Variants in METTL15 observed in about 807,000 individuals in gnomAD.
METTL15 encodes the protein 12S rRNA N(4)-cytidine methyltransferase METTL15.
METTL15 carries 34 observed loss-of-function variants against 38.3 expected under a neutral mutation model. The ratio of observed to expected loss-of-function variants is 0.89; its 90% CI spans 0.68 to 1.18. METTL15 has a LOEUF of 1.18. Among genes scored for constraint, METTL15 ranks in the 50% most tolerant of loss-of-function variants. The pLI is 0.00. For synonymous variants in METTL15, 162 were observed against 170.9 expected (o/e 0.95, Z 0.41); for missense variants, 438 against 498.4 (o/e 0.88, Z 1.15).
At chr11:28,518,822 T>C (rs1438408297) in intron 6 of METTL15, among the ~76,000 whole-genome samples, 8 of 152,176 alleles carry the variant, frequency 5.3e-5, no homozygotes, top group Non-Finnish European at 1.0e-4. Flanking sequence ...CCCTGAAATA[T>C]CGCTGTTAAG....
intron 6 of METTL15, among the ~76,000 whole-genome samples, chr11:28,303,153 C>T (rs72878304): frequency 0.011 from 1,636 of 152,184 alleles, 17 homozygotes; most frequent in Non-Finnish European, 0.018. Context: ...TTTCATTCTC[C>T]GGTTACATCA....
chr11:28,414,041 T>C (rs118033146), intron 5 of METTL15, among the ~76,000 whole-genome samples: 2,770 of 152,258 alleles, frequency 0.018, 32 homozygotes, highest in South Asian at 0.033. Context: ...TTTAAGACTT[T>C]TCAACACAGT....
Position 28,333,339 on chromosome 11 carries a change from CT to C in METTL15, c.*2500del, listed in dbSNP as rs1849867212. On this transcript the variant is annotated 3_prime_UTR_variant, in exon 7 of 7. Coordinates refer to ENST00000407364, the MANE Select transcript of METTL15 (RefSeq NM_001113528.2). ...AATTAGATTGTGTTTTATAGTAATT[CT>C]TGCCTGCTTCTTAGTCTTTGTTGTA... 1 of 152,140 alleles carries C rather than the reference CT, an allele frequency of 6.6e-6. No homozygotes were observed. Among genetic ancestry groups the C allele is most frequent in the South Asian group, 2.1e-4 (1 of 4,832 alleles). The allele number at this position is 152,140 out of a possible 1,614,324, so 9.4% of individuals were successfully genotyped here.
intron 4 of METTL15, among the ~76,000 whole-genome samples, chr11:28,288,816 TTAAATAAAA>T (rs1280921759): frequency 6.6e-6 from 1 of 151,980 alleles, no homozygotes; most frequent in Non-Finnish European, 1.5e-5. Flanking sequence ...AACTTAAAAG[TTAAATAAAA>T]TAAATAAAAT....
chr11:28,291,454 TTAAC>T (rs1165031237), intron 5 of METTL15, among the ~76,000 whole-genome samples: 4 of 152,146 alleles, frequency 2.6e-5, no homozygotes, highest in Admixed American at 6.5e-5. Flanking sequence ...CCTGTAAAAC[TTAAC>T]TGTGGTTTTT....
At chr11:28,360,301 C>A (rs1850125917) in intron 4 of METTL15, among the ~76,000 whole-genome samples, 1 of 152,194 alleles carries the variant, frequency 6.6e-6, no homozygotes, top group African/African-American at 2.4e-5. Context: ...CACCTCTCAT[C>A]CCACTCCACT....
At chr11:28,266,012 A>G (rs2133948214) in intron 4 of METTL15, among the ~76,000 whole-genome samples, 1 of 152,270 alleles carries the variant, frequency 6.6e-6, no homozygotes, top group African/African-American at 2.4e-5. Flanking sequence ...TCCTGTGTCC[A>G]TGTGTTCTCA....
At chr11:28,404,844 T>A (rs1288554728) in intron 5 of METTL15, among the ~76,000 whole-genome samples, 1 of 152,102 alleles carries the variant, frequency 6.6e-6, no homozygotes, top group Non-Finnish European at 1.5e-5. Context: ...TTTTGTATTG[T>A]TAATAAGAAG....
intron 6 of METTL15, among the ~76,000 whole-genome samples, chr11:28,515,873 G>A (rs533780346): frequency 3.3e-5 from 5 of 152,294 alleles, no homozygotes; most frequent in African/African-American, 9.6e-5. Context: ...AGAAGTGCTG[G>A]AAAGTCTCTA....
intron 4 of METTL15, among the ~76,000 whole-genome samples, chr11:28,260,679 C>A (rs185906246): frequency 3.3e-5 from 5 of 152,236 alleles, no homozygotes; most frequent in African/African-American, 1.2e-4. Context: ...GTATTATAGA[C>A]ACAGAAAACC....
chr11:28,331,748 A>T lies in METTL15; in HGVS notation c.*907A>T, dbSNP rs1288052241. On this transcript the variant is annotated 3_prime_UTR_variant, in exon 7 of 7. Coordinates refer to ENST00000407364, the MANE Select transcript of METTL15 (RefSeq NM_001113528.2). ...TCAAGAAAAGAGTACTTGGTAGAAG[A>T]TTCTTTAACAAATTGAGGAGATTGA... 6.6e-6 allele frequency: 1 copy of T among 152,250 alleles called. No homozygotes were observed. The highest frequency in any genetic ancestry group is 1.5e-5 in the Non-Finnish European group (1 of 68,024). The allele number at this position is 152,250 out of a possible 1,614,324, so 9.4% of individuals were successfully genotyped here.
At chr11:28,118,938 G>A (rs569883376) in intron 3 of METTL15, among the ~76,000 whole-genome samples, 39 of 152,296 alleles carry the variant, frequency 2.6e-4, no homozygotes, top group Admixed American at 5.9e-4. Context: ...GGAATAGAAA[G>A]AGTCAAAGTT....
intron 5 of METTL15, among the ~76,000 whole-genome samples, chr11:28,396,380 G>A (rs372591305): frequency 7.2e-5 from 11 of 152,140 alleles, no homozygotes; most frequent in South Asian, 2.1e-4. Flanking sequence ...TAAGCTGATA[G>A]GCAACTTCAG....
chr11:28,231,514 T>G (rs932153753), intron 4 of METTL15, among the ~76,000 whole-genome samples: 3 of 151,876 alleles, frequency 2.0e-5, no homozygotes, highest in African/African-American at 7.2e-5. Flanking sequence ...ACACCATTAC[T>G]TTCATAATAA....
At chr11:28,259,871 C>G (rs1292378219) in intron 4 of METTL15, among the ~76,000 whole-genome samples, 2 of 151,984 alleles carry the variant, frequency 1.3e-5, no homozygotes, top group African/African-American at 4.8e-5. Flanking sequence ...GGTGTCCTTG[C>G]AGTAGGGGAA....
At chr11:28,173,054 T>C (rs1850916032) in intron 3 of METTL15, among the ~76,000 whole-genome samples, 1 of 152,194 alleles carries the variant, frequency 6.6e-6, no homozygotes, top group African/African-American at 2.4e-5. Context: ...GAAAAGTCTC[T>C]AGCATATTTT....
chr11:28,505,396 A>G (rs991487625), intron 6 of METTL15, among the ~76,000 whole-genome samples: 4 of 152,208 alleles, frequency 2.6e-5, no homozygotes, highest in Non-Finnish European at 5.9e-5. Flanking sequence ...ATGTGTAAAC[A>G]TGGGTCATAG....
intron 5 of METTL15, among the ~76,000 whole-genome samples, chr11:28,399,242 C>A (rs1234109880): frequency 6.6e-6 from 1 of 151,954 alleles, no homozygotes; most frequent in Admixed American, 6.6e-5. Flanking sequence ...AACTGGCCAG[C>A]CATTTGCAGA....
intron 6 of METTL15, among the ~76,000 whole-genome samples, chr11:28,468,646 T>C (rs1253751939): frequency 3.3e-5 from 5 of 152,092 alleles, no homozygotes; most frequent in African/African-American, 1.2e-4. Flanking sequence ...CTAGTGTAGG[T>C]TTCTTGGAGT....
Sources: allele counts gnomAD v4.1 joint callset (sites outside exome capture counted in the v4.1 genomes callset), GRCh38; gene constraint gnomAD v4.1.1; transcripts MANE v1.5; gene names NCBI Gene and HGNC (gene_info 2026-07-23, HGNC 2026-07-21).